The following ZNF292 variants were observed in gnomAD, a reference collection of about 807,000 sequenced individuals.
ZNF292 encodes the protein zinc finger protein 292.
In ZNF292, 26 loss-of-function variants were observed where a neutral mutation model predicts 217.9. The observed-to-expected ratio is 0.12, with a 90% CI of 0.09 to 0.17. The LOEUF (loss-of-function observed/expected upper bound fraction) is 0.17, where lower values mean the gene tolerates loss of function less well. ZNF292 is among the 10% of genes least tolerant of loss of function. The pLI is 1.00. For synonymous variants in ZNF292, 1,257 were observed against 1,124.1 expected (o/e 1.12, Z -2.37); for missense variants, 2,904 against 3,175.2 (o/e 0.91, Z 2.05).
chr6:87,199,092 A>G (rs1562135439), intron 1 of ZNF292, among the ~76,000 whole-genome samples: 1 of 152,240 alleles, frequency 6.6e-6, no homozygotes, highest in Non-Finnish European at 1.5e-5. Context: ...TGACTATCCA[A>G]AGTGACTGTG....
At chr6:87,179,562 C>A (rs901083548) in intron 1 of ZNF292, among the ~76,000 whole-genome samples, 2 of 151,922 alleles carry the variant, frequency 1.3e-5, no homozygotes, top group African/African-American at 2.4e-5. Context: ...GGGTACCTTA[C>A]CAGAAAACAT....
intron 1 of ZNF292, among the ~76,000 whole-genome samples, chr6:87,183,529 A>C (rs553054909): frequency 9.2e-5 from 14 of 152,314 alleles, no homozygotes; most frequent in African/African-American, 3.4e-4. Context: ...CTAATGTCTG[A>C]AATCCCAAAG....
chr6:87,202,655 A>G (rs1772129345), intron 1 of ZNF292, among the ~76,000 whole-genome samples: 1 of 152,136 alleles, frequency 6.6e-6, no homozygotes, highest in Non-Finnish European at 1.5e-5. Context: ...CTATCACATT[A>G]AAGAGCTTTC....
chr6:87,233,309 G>A lies in ZNF292; in HGVS notation c.539-16G>A, dbSNP rs561373615. The stretch of plus-strand genomic sequence containing the variant: ...TTACCAAATGTTAATAATCTATTAT[G>A]TCTTGTTTTTTAAAGTGAATGAATT... On this transcript the variant is annotated splice_polypyrimidine_tract_variant and intron_variant, in intron 4 of 7. Coordinates refer to ENST00000369577, the MANE Select transcript of ZNF292 (RefSeq NM_015021.3). 5.0e-5 allele frequency: 79 copies of A among 1,565,602 alleles called. No individual in the cohort carries two copies. In the East Asian group the frequency reaches 1.7e-3, roughly 34 times the overall value.
At position 87,260,780 on chromosome 6, in the gene ZNF292, C is replaced by T; in HGVS notation, c.7151C>T (p.Thr2384Ile). 1 of 1,613,214 alleles carries T rather than the reference C, an allele frequency of 6.2e-7. No individual in the cohort carries two copies. The highest frequency in any genetic ancestry group is 8.5e-7 in the Non-Finnish European group (1 of 1,179,542). ...ALSECTSRFVTQYPCMIKGCT... is the reference protein window; with the variant it reads ...ALSECTSRFVIQYPCMIKGCT... ...TCTGAGTGTACAAGCAGATTTGTAA[C>T]CCAGTATCCATGTATGATAAAGGGA... Residue 2384 changes from threonine to isoleucine, a missense_variant, in exon 8 of 8, where the codon ACC (threonine) becomes ATC (isoleucine). Around this residue, in one of 15 missense-constraint regions of ZNF292, gnomAD observed 27 missense variants for 52.3 expected, o/e 0.52. Transcript: ENST00000369577.
chr6:87,161,446 G>A lies in ZNF292; in HGVS notation c.168+5687G>A, dbSNP rs867372247. 7.2e-5 allele frequency among the ~76,000 whole-genome samples: 11 copies of A among 152,254 alleles called. No homozygotes were observed. The Middle Eastern group carries it at 0.014, about 188-fold the overall frequency. On this transcript the variant is annotated intron_variant, in intron 1 of 7. Transcript: ENST00000369577. ...GCTTTATTTTTATTTTTTTGAGACA[G>A]GGTCTCCACTCTGTCACCCAGGTGG...
rs144127865 is a variant in ZNF292 at position 87,238,057 on chromosome 6, A to G, written c.741+4530A>G. Among the ~76,000 whole-genome samples the G allele has an allele frequency of 3.9e-5, 6 of 152,334 alleles. No homozygotes were observed. The East Asian group carries it at 9.6e-4, about 24-fold the overall frequency. On this transcript the variant is annotated intron_variant, in intron 5 of 7. Transcript: ENST00000369577. ...AGAAATGAAGGATCCCAAGTACACC[A>G]TGAAAATTGTTTCATTAGTATGCCT...
Position 87,250,504 on chromosome 6 carries a change from G to T in ZNF292, c.1021-4146G>T, listed in dbSNP as rs1774870716. Reference sequence around the variant, plus strand: ...GTTCCAAAAAGCAAAACTTGAGTTTGCCACAAGTGTACTGTATTGAATCTA... The same window carrying T: ...GTTCCAAAAAGCAAAACTTGAGTTTTCCACAAGTGTACTGTATTGAATCTA... On this transcript the variant is annotated intron_variant, in intron 7 of 7. Coordinates refer to ENST00000369577, the MANE Select transcript of ZNF292 (RefSeq NM_015021.3). Among the ~76,000 whole-genome samples the T allele has an allele frequency of 2.0e-5, 3 of 152,116 alleles. No individual in the cohort carries two copies. The South Asian group carries it at 6.2e-4, about 32-fold the overall frequency.
In ZNF292 at chr6:87,257,507, A is replaced by G; in HGVS notation, c.3878A>G (p.Asn1293Ser). The G allele has an allele frequency of 6.2e-7, 1 of 1,610,784 alleles. No homozygotes were observed. Among genetic ancestry groups the G allele is most frequent in the East Asian group, 2.2e-5 (1 of 44,844 alleles). The change falls in exon 8 of 8, where the codon AAT (asparagine) becomes AGT (serine). Residue 1293 changes from asparagine to serine, a missense_variant. Physicochemically the swap from Asn to Ser is conservative, Grantham distance 46. Coordinates refer to ENST00000369577, the MANE Select transcript of ZNF292 (RefSeq NM_015021.3). Reference sequence around the variant, plus strand: ...TCTGTTTTTTCCCAACTGGAAAATAATACAAATCATTATTCCTCACAGATT... The same window carrying G: ...TCTGTTTTTTCCCAACTGGAAAATAGTACAAATCATTATTCCTCACAGATT... ...TNSVFSQLEN[N>S]TNHYSSQIEG...
At chr6:87,178,118 T>G (rs552725076) in intron 1 of ZNF292, among the ~76,000 whole-genome samples, 5 of 152,336 alleles carry the variant, frequency 3.3e-5, no homozygotes, top group African/African-American at 1.2e-4. Context: ...AATTCTACAT[T>G]TTCATTAGGC....
At chr6:87,168,596 A>G (rs1770990537) in intron 1 of ZNF292, among the ~76,000 whole-genome samples, 1 of 152,064 alleles carries the variant, frequency 6.6e-6, no homozygotes, top group African/African-American at 2.4e-5. Flanking sequence ...CAGTCTCCCG[A>G]GTAACTGGGA....
At chr6:87,218,575 A>G (rs776433398) in intron 3 of ZNF292, 21 bp from the exon 4 acceptor site, 24 of 1,511,210 alleles carry the variant, frequency 1.6e-5, no homozygotes, top group Non-Finnish European at 2.1e-5. Context: ...AATTCTTTGG[A>G]TGTTTATTTA....
At chr6:87,194,532 G>T (rs532424029) in intron 1 of ZNF292, among the ~76,000 whole-genome samples, 3 of 152,224 alleles carry the variant, frequency 2.0e-5, no homozygotes, top group Admixed American at 6.5e-5. Flanking sequence ...ATGGATCTAG[G>T]GGGGAGGAAC....
At chr6:87,234,073 C>G (rs1304468519) in intron 5 of ZNF292, among the ~76,000 whole-genome samples, 2 of 152,132 alleles carry the variant, frequency 1.3e-5, no homozygotes, top group Admixed American at 1.3e-4. Context: ...TGGTATAAAG[C>G]ATAGTATTCA....
At chr6:87,184,060 A>G (rs1771557882) in intron 1 of ZNF292, among the ~76,000 whole-genome samples, 1 of 152,258 alleles carries the variant, frequency 6.6e-6, no homozygotes, top group South Asian at 2.1e-4. Flanking sequence ...ACACAAAGTC[A>G]GTGTTGTGAT....
intron 6 of ZNF292, among the ~76,000 whole-genome samples, chr6:87,244,870 C>T (rs1774490539): frequency 1.3e-5 from 2 of 151,952 alleles, no homozygotes; most frequent in African/African-American, 4.8e-5. Flanking sequence ...TATATACGTA[C>T]ACACACATAT....
At chr6:87,180,826 G>T (rs1771450209) in intron 1 of ZNF292, among the ~76,000 whole-genome samples, 1 of 152,122 alleles carries the variant, frequency 6.6e-6, no homozygotes. Context: ...GAGTACTTGA[G>T]TATTCTTCAG....
rs117850375 is a variant in ZNF292, at chr6:87,231,812, A to G, written c.539-1513A>G. 8.1e-4 allele frequency among the ~76,000 whole-genome samples: 123 copies of G among 152,316 alleles called. 2 individuals carry two copies. In the East Asian group the frequency reaches 0.022, roughly 27 times the overall value. On this transcript the variant is annotated intron_variant, in intron 4 of 7. Transcript: ENST00000369577. The stretch of plus-strand genomic sequence containing the variant: ...TGACTTTTTTGTGAGAATATTTGCA[A>G]TAATTCCCAGACTTTGTATCTCTAG...
At chr6:87,163,531 G>C (rs1309826642) in intron 1 of ZNF292, among the ~76,000 whole-genome samples, 3 of 151,880 alleles carry the variant, frequency 2.0e-5, no homozygotes, top group Non-Finnish European at 4.4e-5. Flanking sequence ...TGTTTAAATT[G>C]TTCTTATGTG....
Sources: gnomAD v4.1 joint callset for allele counts (sites outside exome capture counted in the v4.1 genomes callset) on GRCh38, gnomAD v4.1.1 for gene constraint, gnomAD v4.1.1 regional missense constraint, MANE v1.5 for transcripts, NCBI Gene and HGNC (gene_info 2026-07-23, HGNC 2026-07-21) for gene names.